Variants in TRAPPC10 observed in about 807,000 individuals in gnomAD.
TRAPPC10 encodes trafficking protein particle complex subunit 10.
Under a neutral mutation model 125.5 loss-of-function variants are expected in TRAPPC10, and 23 were observed. The observed-to-expected ratio is 0.18, with a 90% confidence interval of 0.13 to 0.26. TRAPPC10 has a LOEUF of 0.26. Among genes scored for constraint, TRAPPC10 ranks in the 10% least tolerant of loss-of-function variants. TRAPPC10 has a pLI of 1.00. For missense variants in TRAPPC10, 1,123 were observed against 1,308.4 expected, an observed-to-expected ratio of 0.86 and a Z score of 2.19; for synonymous variants, 509 against 518.0, an observed-to-expected ratio of 0.98 and a Z score of 0.24.
At chr21:44,053,513 C>T (rs919444397) in intron 4 of TRAPPC10, among the ~76,000 whole-genome samples, 4 of 152,104 alleles carry the variant, frequency 2.6e-5, no homozygotes, top group Admixed American at 6.5e-5. Flanking sequence ...GCTTACTTAT[C>T]GTTATAAACA....
chr21:44,029,137 C>A (rs547558620), intron 1 of TRAPPC10, among the ~76,000 whole-genome samples: 2 of 152,206 alleles, frequency 1.3e-5, no homozygotes, highest in African/African-American at 4.8e-5. Context: ...CTCTGTCGCC[C>A]GGGCTGGAGT....
At chr21:44,042,145 C>T (rs2034471197) in intron 3 of TRAPPC10, among the ~76,000 whole-genome samples, 1 of 152,158 alleles carries the variant, frequency 6.6e-6, no homozygotes, top group African/African-American at 2.4e-5. Context: ...AGTCTGTTTT[C>T]TACTCAAGTT....
intron 3 of TRAPPC10, among the ~76,000 whole-genome samples, chr21:44,038,783 A>G (rs1232814092): frequency 8.5e-5 from 13 of 152,088 alleles, no homozygotes; most frequent in Non-Finnish European, 1.5e-5. Flanking sequence ...TTAATGAGAC[A>G]GGAACTGTAA....
chr21:44,072,946 G>A (rs1211323370), intron 7 of TRAPPC10, among the ~76,000 whole-genome samples: 1 of 152,228 alleles, frequency 6.6e-6, no homozygotes, highest in Non-Finnish European at 1.5e-5. Context: ...GGCCTGCTGT[G>A]GTTTGACTGA....
chr21:44,060,915 TACACACACAC>T (rs34848979), intron 6 of TRAPPC10, among the ~76,000 whole-genome samples: 147 of 132,256 alleles, frequency 1.1e-3, no homozygotes, highest in Non-Finnish European at 1.7e-3. Flanking sequence ...CATACATACA[TACACACACAC>T]ACACACACAC....
intron 5 of TRAPPC10, among the ~76,000 whole-genome samples, chr21:44,058,733 T>G (rs1443267926): frequency 6.6e-6 from 1 of 152,130 alleles, no homozygotes; most frequent in African/African-American, 2.4e-5. Context: ...CCCTGCGGCC[T>G]CCAGCAGAGA....
At chr21:44,056,934 T>G (rs1184916096) in intron 5 of TRAPPC10, among the ~76,000 whole-genome samples, 1 of 139,678 alleles carries the variant, frequency 7.2e-6, no homozygotes, top group African/African-American at 3.2e-5. Flanking sequence ...AAGGGCTATA[T>G]GGAAACTAGA....
At chr21:44,026,287 A>G (rs933230073) in intron 1 of TRAPPC10, among the ~76,000 whole-genome samples, 4 of 152,120 alleles carry the variant, frequency 2.6e-5, no homozygotes, top group Non-Finnish European at 5.9e-5. Flanking sequence ...CATACCCATG[A>G]TTATGCATTT....
chr21:44,084,393 G>A (rs1169391596), intron 15 of TRAPPC10, 130 bp downstream of exon 15: 2 of 903,326 alleles, frequency 2.2e-6, no homozygotes, highest in African/African-American at 3.5e-5. Flanking sequence ...TAACATAATG[G>A]AAATTTTGCC....
intron 7 of TRAPPC10, among the ~76,000 whole-genome samples, chr21:44,064,413 A>G (rs1326011489): frequency 1.3e-5 from 2 of 152,156 alleles, no homozygotes; most frequent in African/African-American, 4.8e-5. Flanking sequence ...CTTACTGTCC[A>G]TAGAACCACG....
At position 44,060,951 on chromosome 21, in the gene TRAPPC10, T is replaced by G. The variant is rs1168726766; in HGVS notation, c.790+1737T>G. 3.3e-5 allele frequency among the ~76,000 whole-genome samples: 4 copies of G among 121,100 alleles called. No homozygotes were observed. In the East Asian group the frequency reaches 9.9e-4, roughly 30 times the overall value. 79.4% of individuals were successfully genotyped at this position (121,100 alleles called of 152,430 possible). A position where few individuals can be genotyped will look rare whatever the true frequency, so the allele number is the denominator to read the frequency against. ...ACACACACACACACACACACACTTT[T>G]TTTTTGAGACGGAGTCTTGCTTTGT... On this transcript the variant is annotated intron_variant, in intron 6 of 22. Transcript: ENST00000291574.
At chr21:44,090,483 C>T (rs2038498680) in intron 18 of TRAPPC10, among the ~76,000 whole-genome samples, 1 of 152,242 alleles carries the variant, frequency 6.6e-6, no homozygotes, top group South Asian at 2.1e-4. Context: ...CACTCCCCAC[C>T]TGCAGGTGTG....
In TRAPPC10 at chr21:44,021,459, A is replaced by G. The variant is rs929417896; in HGVS notation, c.67+8899A>G. On this transcript the variant is annotated intron_variant, in intron 1 of 22. Transcript: ENST00000291574. ...TGTAACATTTCACATATTTTATTAT[A>G]AAAGTGCAATATGTATCAAAGTAGA... Among the ~76,000 whole-genome samples the G allele has an allele frequency of 3.3e-5, 5 of 152,342 alleles. No individual in the cohort carries two copies. The South Asian group carries it at 1.0e-3, about 32-fold the overall frequency.
chr21:44,079,087 G>A (rs1011755268), intron 11 of TRAPPC10, among the ~76,000 whole-genome samples: 2 of 152,082 alleles, frequency 1.3e-5, no homozygotes, highest in African/African-American at 4.8e-5. Flanking sequence ...TTCCGCTTGC[G>A]CCCTGTAGAC....
chr21:44,047,563 T>TGTGTGC (rs1555936162), intron 3 of TRAPPC10, among the ~76,000 whole-genome samples: 3 of 147,866 alleles, frequency 2.0e-5, no homozygotes, highest in Non-Finnish European at 4.4e-5. Context: ...TGTGTGTGTG[T>TGTGTGC]GTGCGCGCAC....
intron 4 of TRAPPC10, among the ~76,000 whole-genome samples, chr21:44,052,841 T>C (rs1244948005): frequency 6.6e-6 from 1 of 152,046 alleles, no homozygotes; most frequent in Non-Finnish European, 1.5e-5. Flanking sequence ...TTTCTTTACC[T>C]TAACACCTGA....
At chr21:44,030,965 A>C (rs1276388934) in intron 1 of TRAPPC10, among the ~76,000 whole-genome samples, 1 of 151,950 alleles carries the variant, frequency 6.6e-6, no homozygotes, top group Admixed American at 6.5e-5. Flanking sequence ...AGCTCTTCTC[A>C]TTTTCCCATT....
At chr21:44,030,689 AACTCCCTACCTCAGGTGATCTGCCC>A (rs2033500842) in intron 1 of TRAPPC10, among the ~76,000 whole-genome samples, 1 of 152,094 alleles carries the variant, frequency 6.6e-6, no homozygotes, top group African/African-American at 2.4e-5. Flanking sequence ...GCTGGTCTCA[AACTCCCTACCTCAGGTGATCTGCCC>A]ACCTCGGCCT....
In TRAPPC10 at chr21:44,032,134, C is replaced by G. The variant is rs779783239; in HGVS notation, c.111C>G (p.Leu37=). ...QNLFTSVYPT[L]SQQLPREPME... ...TATTTACCTCTGTTTATCCAACGCT[C>G]TCTCAGCAGCTTCCAAGAGAACCAA... Residue 37 remains leucine, a synonymous_variant, in exon 2 of 23, where the codon CTC becomes CTG. Coordinates refer to ENST00000291574, the MANE Select transcript of TRAPPC10 (RefSeq NM_003274.5). 1 of 1,614,010 alleles carries G rather than the reference C, an allele frequency of 6.2e-7. No individual in the cohort carries two copies. Among genetic ancestry groups the G allele is most frequent in the Non-Finnish European group, 8.5e-7 (1 of 1,179,946 alleles).
Sources: gnomAD v4.1 joint callset for allele counts (sites outside exome capture counted in the v4.1 genomes callset) on GRCh38, gnomAD v4.1.1 for gene constraint, MANE v1.5 for transcripts, NCBI Gene and HGNC (gene_info 2026-07-23, HGNC 2026-07-21) for gene names.